Variants in ERAP1 observed in about 807,000 individuals in gnomAD.
ERAP1 encodes the protein endoplasmic reticulum aminopeptidase 1.
ERAP1 carries 86 observed loss-of-function variants against 103.7 expected under a neutral mutation model. That is an observed-to-expected ratio of 0.83 (90% CI 0.70 to 0.99). The LOEUF (loss-of-function observed/expected upper bound fraction) is 0.99, where lower values mean the gene tolerates loss of function less well. ERAP1 is among the 50% of genes least tolerant of loss of function. The probability of loss-of-function intolerance (pLI) is 0.00; values close to 1 mark genes in which losing one functional copy is unlikely to be tolerated. For missense variants in ERAP1, 1,009 were observed against 1,128.4 expected, an observed-to-expected ratio of 0.89 and a Z score of 1.52; for synonymous variants, 398 against 402.4, an observed-to-expected ratio of 0.99 and a Z score of 0.13.
At chr5:96,772,617 A>AT (rs1355478097), downstream of ERAP1, 1 of 152,684 alleles carries the variant, frequency 6.5e-6, no homozygotes, top group Non-Finnish European at 1.5e-5. Context: ...GATTCACTGC[A>AT]TTTTTTATTT....
At chr5:96,903,031 A>G in the ERAP1 span, among the ~76,000 whole-genome samples, 1 of 152,208 alleles carries the variant, frequency 6.6e-6, no homozygotes, top group Non-Finnish European at 1.5e-5. Flanking sequence ...ATGACTAGTG[A>G]CTAAACCTTG....
the ERAP1 span, among the ~76,000 whole-genome samples, chr5:96,930,708 T>C: frequency 1.3e-5 from 2 of 152,178 alleles, no homozygotes; most frequent in Non-Finnish European, 2.9e-5. Flanking sequence ...ACAAGGAAGG[T>C]GATCTTAAAC....
At chr5:96,815,502 C>G in the ERAP1 span, among the ~76,000 whole-genome samples, 2 of 147,564 alleles carry the variant, frequency 1.4e-5, no homozygotes, top group Admixed American at 6.8e-5. Flanking sequence ...ACCTCTGCCT[C>G]CCATGTTCAA....
At chr5:96,786,390 T>G (rs569362688) in intron 12 of ERAP1, 80 bp downstream of exon 12, 2 of 986,066 alleles carry the variant, frequency 2.0e-6, no homozygotes, top group African/African-American at 3.2e-5. Flanking sequence ...CCAAGATAAA[T>G]AGCAAAAGAA....
chr5:96,860,691 C>T, the ERAP1 span, among the ~76,000 whole-genome samples: 2 of 152,036 alleles, frequency 1.3e-5, no homozygotes, highest in African/African-American at 4.8e-5. Flanking sequence ...AAGACTTCCA[C>T]AAGAAGGAGT....
the ERAP1 span, among the ~76,000 whole-genome samples, chr5:96,821,648 A>C: frequency 2.0e-5 from 3 of 152,212 alleles, no homozygotes; most frequent in Non-Finnish European, 2.9e-5. Flanking sequence ...GTGAAAGCTA[A>C]TGAAATATGT....
At chr5:96,872,547 T>C in the ERAP1 span, among the ~76,000 whole-genome samples, 1 of 152,132 alleles carries the variant, frequency 6.6e-6, no homozygotes, top group Admixed American at 6.6e-5. Flanking sequence ...TCCAATAAGC[T>C]GTAATTGTGC....
At chr5:96,765,989 A>G (rs1769806822) in intron 19 of ERAP1, 1 of 915,156 alleles carries the variant, frequency 1.1e-6, no homozygotes, top group African/African-American at 1.7e-5. Context: ...GCTGCATTTG[A>G]CAATGTATTT....
the ERAP1 span, chr5:96,823,188 T>C: frequency 4.4e-6 from 2 of 453,590 alleles, no homozygotes; most frequent in Non-Finnish European, 8.9e-6. Context: ...TGAAATACAG[T>C]CATATAATCA....
Position 96,765,516 on chromosome 5 carries a change from A to G in ERAP1, c.2819-2288T>C, listed in dbSNP as rs28580505. Among the ~76,000 whole-genome samples the G allele has an allele frequency of 0.23, 35,566 of 151,806 alleles. 4,718 individuals are homozygous for G. Among genetic ancestry groups the G allele is most frequent in the Non-Finnish European group, 0.32 (21,547 of 67,854 alleles). On this transcript the variant is annotated intron_variant, in intron 19 of 19. Transcript: ENST00000296754. ...AGGTCACTGAATCTGTGACAGAGAT[A>G]CCAGCGGAGCCTCCCTGAGGGGATT...
the ERAP1 span, among the ~76,000 whole-genome samples, chr5:96,858,217 C>CT: frequency 0.1 from 14,253 of 137,096 alleles, 788 homozygotes; most frequent in Middle Eastern, 0.15. Context: ...TGTTCTTCTT[C>CT]TTTTTTTTTT....
chr5:96,909,728 T>C, the ERAP1 span: 1 of 1,614,188 alleles, frequency 6.2e-7, no homozygotes, highest in Admixed American at 1.7e-5. Flanking sequence ...GCTGCTGAAC[T>C]CTTCTCCCAG....
rs763959165 is a variant in ERAP1, at chr5:96,803,454, G to T, written c.473C>A (p.Thr158Asn). ...VIHYAGNLSE[T>N]FHGFYKSTYR... ...GGTGCTTTTGTAAAATCCGTGGAAA[G>T]TCTCCGAAAGATTGCCAGCATAGTG... Residue 158 changes from threonine to asparagine, a missense_variant, in exon 2 of 19, where the codon ACT (threonine) becomes AAT (asparagine). By Grantham distance (65) the Thr-to-Asn change is moderately conservative. Transcript: ENST00000443439. 8 of 1,612,842 alleles carry T rather than the reference G, an allele frequency of 5.0e-6. No individual in the cohort carries two copies. The African/African-American group carries it at 1.1e-4, about 22-fold the overall frequency.
chr5:96,805,239 C>A (rs933488840), intron 1 of ERAP1, among the ~76,000 whole-genome samples: 5 of 151,662 alleles, frequency 3.3e-5, no homozygotes, highest in Non-Finnish European at 7.4e-5. Flanking sequence ...ACCTGGGAAG[C>A]TTTTAAAATT....
At chr5:96,868,412 G>C in the ERAP1 span, among the ~76,000 whole-genome samples, 1 of 152,198 alleles carries the variant, frequency 6.6e-6, no homozygotes, top group Non-Finnish European at 1.5e-5. Flanking sequence ...GCTGTCTTTT[G>C]TGGGGAACTT....
the ERAP1 span, chr5:96,892,348 C>T: frequency 1.2e-6 from 2 of 1,613,782 alleles, no homozygotes; most frequent in Non-Finnish European, 1.7e-6. Context: ...AAAATTGGGG[C>T]CTCATTACAT....
chr5:96,891,413 A>G, the ERAP1 span, among the ~76,000 whole-genome samples: 58 of 150,716 alleles, frequency 3.8e-4, no homozygotes, highest in African/African-American at 1.4e-3. Flanking sequence ...ACACATATAC[A>G]TATACACACA....
In ERAP1 at chr5:96,797,187, C is replaced by T. The variant is rs773340064; in HGVS notation, c.786G>A (p.Lys262=). 1 of 1,614,036 alleles carries T rather than the reference C, an allele frequency of 6.2e-7. No individual in the cohort carries two copies. Among genetic ancestry groups the T allele is most frequent in the African/African-American group, 1.3e-5 (1 of 74,914 alleles). The change falls in exon 4 of 19, where the codon AAG becomes AAA. Residue 262 remains lysine, a synonymous_variant. Coordinates refer to ENST00000443439, the MANE Select transcript of ERAP1 (RefSeq NM_001040458.3). ...SDFESVSKIT[K]SGVKVSVYAV... is the part of the protein sequence containing the mutation. ...GTCATAGGCTCACCTTGACTCCACT[C>T]TTGGTTATCTTGCTGACAGACTCAA...
the ERAP1 span, among the ~76,000 whole-genome samples, chr5:96,887,686 C>G: frequency 1.3e-5 from 2 of 152,146 alleles, no homozygotes; most frequent in Admixed American, 6.5e-5. Context: ...CAAAAACTTA[C>G]AACAATACCT....
Sources: allele counts gnomAD v4.1 joint callset (sites outside exome capture counted in the v4.1 genomes callset), GRCh38; gene constraint gnomAD v4.1.1; transcripts MANE v1.5; gene names NCBI Gene and HGNC (gene_info 2026-07-23, HGNC 2026-07-21).